Variants in SLC47A1 observed in about 807,000 individuals in gnomAD.
SLC47A1 encodes the protein solute carrier family 47 member 1.
In SLC47A1, 58 loss-of-function variants were observed where a neutral mutation model predicts 65.8. That is an observed-to-expected ratio of 0.88 (90% confidence interval 0.71 to 1.10). The LOEUF (loss-of-function observed/expected upper bound fraction) is 1.10, where lower values mean the gene tolerates loss of function less well. SLC47A1 is among the 50% of genes least tolerant of loss of function. The probability of loss-of-function intolerance (pLI) is 0.00; values close to 1 mark genes in which losing one functional copy is unlikely to be tolerated. For synonymous variants in SLC47A1, 285 were observed against 295.0 expected (o/e 0.97, Z 0.35); for missense variants, 706 against 719.2 (o/e 0.98, Z 0.21).
intron 1 of SLC47A1, among the ~76,000 whole-genome samples, chr17:19,536,301 T>C (rs1486246984): frequency 6.6e-6 from 1 of 150,472 alleles, no homozygotes; most frequent in African/African-American, 2.5e-5. Context: ...GTTTCTGAAA[T>C]CCAGCCCTCC....
At chr17:19,569,485 C>A (rs905506366) in intron 14 of SLC47A1, among the ~76,000 whole-genome samples, 4 of 152,026 alleles carry the variant, frequency 2.6e-5, no homozygotes, top group Admixed American at 1.3e-4. Flanking sequence ...TATAGTCAAT[C>A]CCCCCCACCC....
At position 19,577,981 on chromosome 17, in the gene SLC47A1, G is replaced by C. The variant is rs3210336; in HGVS notation, c.*428G>C. 2.3e-6 allele frequency: 3 copies of C among 1,283,446 alleles called. No individual in the cohort carries two copies. The African/African-American group carries it at 4.6e-5, about 20-fold the overall frequency. The allele number at this position is 1,283,446 out of a possible 1,614,324, so 79.5% of individuals were successfully genotyped here. A position where few individuals can be genotyped will look rare whatever the true frequency, so the allele number is the denominator to read the frequency against. ...CACTGGGCAAATGGTATTTGTTTTT[G>C]TTTTAATTTTTTTTTTAATAGACGG... On this transcript the variant is annotated 3_prime_UTR_variant, in exon 17 of 17. Transcript: ENST00000270570.
chr17:19,539,322 A>G (rs1282377383), intron 1 of SLC47A1, among the ~76,000 whole-genome samples: 3 of 152,126 alleles, frequency 2.0e-5, no homozygotes, highest in African/African-American at 7.2e-5. Flanking sequence ...TTTGTCCAGA[A>G]TTGGTTCATT....
intron 10 of SLC47A1, among the ~76,000 whole-genome samples, chr17:19,559,382 T>C (rs2084289419): frequency 6.6e-6 from 1 of 152,192 alleles, no homozygotes; most frequent in African/African-American, 2.4e-5. Flanking sequence ...CTATGCCATG[T>C]GTGGAGGCGC....
Position 19,542,545 on chromosome 17 carries a change from C to T in SLC47A1, c.237+51C>T, listed in dbSNP as rs146006365. 2.5e-4 allele frequency: 346 copies of T among 1,389,870 alleles called. No individual in the cohort carries two copies. In the African/African-American group the frequency reaches 4.3e-3, roughly 17 times the overall value. The allele number at this position is 1,389,870 out of a possible 1,614,324, so 86.1% of individuals were successfully genotyped here. A position where few individuals can be genotyped will look rare whatever the true frequency, so the allele number is the denominator to read the frequency against. ...TACCAACACTGTCTGTGTTTGCCTT[C>T]TGCTGCTACTATAACAAATCATCAA... is the stretch of plus-strand genomic sequence containing the variant. On this transcript the variant is annotated intron_variant, in intron 2 of 16. Coordinates refer to ENST00000270570, the MANE Select transcript of SLC47A1 (RefSeq NM_018242.3).
chr17:19,562,925 A>G (rs928548727), intron 12 of SLC47A1, among the ~76,000 whole-genome samples: 1 of 152,068 alleles, frequency 6.6e-6, no homozygotes, highest in Admixed American at 6.6e-5. Flanking sequence ...GGGAAACGGC[A>G]CCTCTAACAA....
chr17:19,566,622 A>G (rs1218416909), intron 12 of SLC47A1, among the ~76,000 whole-genome samples, 168 bp from the exon 13 acceptor site: 1 of 152,058 alleles, frequency 6.6e-6, no homozygotes, highest in Non-Finnish European at 1.5e-5. Context: ...ACGGGGTTTC[A>G]CCATGTTGGC....
At chr17:19,567,301 C>T (rs1211558821) in intron 14 of SLC47A1, 73 bp downstream of exon 14, 49 of 1,597,816 alleles carry the variant, frequency 3.1e-5, no homozygotes, top group Non-Finnish European at 3.4e-5. Context: ...GCACACGGGT[C>T]TTTGACTGAG....
rs147201544 is a variant in SLC47A1 at position 19,569,340 on chromosome 17, C to T, written c.1309+2112C>T. 3.2e-3 allele frequency among the ~76,000 whole-genome samples: 483 copies of T among 151,388 alleles called. 1 individual carries two copies. The highest frequency in any genetic ancestry group is 6.3e-3 in the Admixed American group (95 of 15,200). ...TGAGCAAGATGGCACCACTGCACTC[C>T]AGCCTGGGCGACAGAGTGAGACTCT... On this transcript the variant is annotated intron_variant, in intron 14 of 16. Transcript: ENST00000270570.
chr17:19,545,903 G>T (rs1333309169), intron 2 of SLC47A1, among the ~76,000 whole-genome samples: 2 of 152,120 alleles, frequency 1.3e-5, no homozygotes, highest in Admixed American at 1.3e-4. Flanking sequence ...TTATAAGGAA[G>T]TGGGTCAAAG....
In SLC47A1 at chr17:19,577,973, T is replaced by G; in HGVS notation, c.*420T>G. 7.8e-7 allele frequency: 1 copy of G among 1,284,984 alleles called. No individual in the cohort carries two copies. The highest frequency in any genetic ancestry group is 1.0e-6 in the Non-Finnish European group (1 of 987,832). The allele number at this position is 1,284,984 out of a possible 1,614,324, so 79.6% of individuals were successfully genotyped here. ...TTACTATTCACTGGGCAAATGGTAT[T>G]TGTTTTTGTTTTAATTTTTTTTTTA... On this transcript the variant is annotated 3_prime_UTR_variant, in exon 17 of 17. Coordinates refer to ENST00000270570, the MANE Select transcript of SLC47A1 (RefSeq NM_018242.3).
chr17:19,536,695 A>G (rs972341161), intron 1 of SLC47A1, among the ~76,000 whole-genome samples: 5 of 152,198 alleles, frequency 3.3e-5, no homozygotes, highest in Admixed American at 6.5e-5. Flanking sequence ...TGTTTACTAA[A>G]GGGCATGGGA....
chr17:19,536,306 C>T (rs2152311528), intron 1 of SLC47A1, among the ~76,000 whole-genome samples: 1 of 151,746 alleles, frequency 6.6e-6, no homozygotes, highest in African/African-American at 2.4e-5. Context: ...TGAAATCCAG[C>T]CCTCCCAGTA....
chr17:19,542,592 A>G, intron 2 of SLC47A1, 98 bp downstream of exon 2: 3 of 984,324 alleles, frequency 3.0e-6, no homozygotes, highest in East Asian at 5.2e-5. Context: ...TGAAACCTAC[A>G]CAGACTTATT....
chr17:19,564,617 A>C (rs2084341924), intron 12 of SLC47A1: 1 of 152,226 alleles, frequency 6.6e-6, no homozygotes, highest in African/African-American at 2.4e-5. Context: ...TTTTTTGACC[A>C]TGTGCATGTT....
rs942321964 is a variant in SLC47A1 at position 19,560,500 on chromosome 17, G to T, written c.1106+7G>T. The T allele has an allele frequency of 1.9e-6, 3 of 1,613,832 alleles. No homozygotes were observed. The highest frequency in any genetic ancestry group is 2.5e-6 in the Non-Finnish European group (3 of 1,179,824). Reference sequence around the variant, plus strand: ...ACATTTTTACTACCGACCGGTGAGTGCTAGGATTTTCTTGAAATGTGAAAT... The same window carrying T: ...ACATTTTTACTACCGACCGGTGAGTTCTAGGATTTTCTTGAAATGTGAAAT... On this transcript the variant is annotated splice_region_variant and intron_variant, in intron 12 of 16. Transcript: ENST00000270570.
chr17:19,537,565 C>T (rs576577188), intron 1 of SLC47A1, among the ~76,000 whole-genome samples: 1 of 152,228 alleles, frequency 6.6e-6, no homozygotes, highest in Non-Finnish European at 1.5e-5. Context: ...GTCCGGCCCC[C>T]ACGCCTCTAC....
chr17:19,549,567 G>A, intron 4 of SLC47A1, 68 bp from the exon 5 acceptor site: 4 of 1,499,950 alleles, frequency 2.7e-6, no homozygotes, highest in Non-Finnish European at 3.7e-6. Flanking sequence ...ATTTTCTTCT[G>A]CCTAACTTTC....
chr17:19,563,138 T>C (rs1284840320), intron 12 of SLC47A1, among the ~76,000 whole-genome samples: 3 of 141,724 alleles, frequency 2.1e-5, no homozygotes, highest in Non-Finnish European at 3.1e-5. Flanking sequence ...CTTTTTTTTT[T>C]TTTTTTTTTT....
Sources: allele counts gnomAD v4.1 joint callset (sites outside exome capture counted in the v4.1 genomes callset), GRCh38; gene constraint gnomAD v4.1.1; transcripts MANE v1.5; gene names NCBI Gene and HGNC (gene_info 2026-07-23, HGNC 2026-07-21).